Variants in ST6GALNAC3 observed in about 807,000 individuals in gnomAD.
ST6GALNAC3 encodes the protein alpha-N-acetylgalactosaminide alpha-2,6-sialyltransferase 3.
Under a neutral mutation model 32.7 loss-of-function variants are expected in ST6GALNAC3, and 25 were observed. The ratio of observed to expected loss-of-function variants is 0.76; its 90% CI spans 0.56 to 1.07. The LOEUF is 1.07. Ranked by LOEUF, ST6GALNAC3 falls within the 50% of genes least tolerant of loss-of-function variation. ST6GALNAC3 has a pLI of 0.00. For synonymous variants in ST6GALNAC3, 129 were observed against 133.1 expected (o/e 0.97, Z 0.21); for missense variants, 355 against 382.4 (o/e 0.93, Z 0.60).
At chr1:76,262,305 A>T (rs1221501451) in intron 1 of ST6GALNAC3, among the ~76,000 whole-genome samples, 2 of 152,212 alleles carry the variant, frequency 1.3e-5, no homozygotes, top group Non-Finnish European at 2.9e-5. Context: ...ACTCCAACCC[A>T]GCTCTGCCTG....
intron 3 of ST6GALNAC3, among the ~76,000 whole-genome samples, chr1:76,530,684 T>G (rs1663197792): frequency 6.6e-6 from 1 of 152,172 alleles, no homozygotes. Flanking sequence ...TTGAACTGGG[T>G]TTCTGTCTCT....
intron 2 of ST6GALNAC3, among the ~76,000 whole-genome samples, chr1:76,339,978 G>T (rs577607680): frequency 6.6e-6 from 1 of 152,322 alleles, no homozygotes; most frequent in East Asian, 1.9e-4. Flanking sequence ...ATTTTTAATA[G>T]AGGAAATGGC....
At chr1:76,260,318 CG>C (rs1197012401) in intron 1 of ST6GALNAC3, among the ~76,000 whole-genome samples, 1 of 152,208 alleles carries the variant, frequency 6.6e-6, no homozygotes, top group Admixed American at 6.5e-5. Context: ...CAGCCTTAAG[CG>C]TATTCTTTGT....
At chr1:76,396,330 T>C (rs1041294528) in intron 2 of ST6GALNAC3, among the ~76,000 whole-genome samples, 5 of 152,088 alleles carry the variant, frequency 3.3e-5, no homozygotes, top group African/African-American at 1.2e-4. Context: ...CCAGGCATGG[T>C]GGCATGCGCC....
At chr1:76,390,604 G>C (rs1652457271) in intron 2 of ST6GALNAC3, among the ~76,000 whole-genome samples, 1 of 152,140 alleles carries the variant, frequency 6.6e-6, no homozygotes. Flanking sequence ...AGTGTTACTT[G>C]GTGGCTTTGG....
chr1:76,178,685 A>T (rs1652992277), intron 1 of ST6GALNAC3, among the ~76,000 whole-genome samples: 1 of 152,124 alleles, frequency 6.6e-6, no homozygotes, highest in Non-Finnish European at 1.5e-5. Flanking sequence ...AGGGAGAAAG[A>T]GGGACAATGA....
chr1:76,366,519 G>C (rs892663996), intron 2 of ST6GALNAC3, among the ~76,000 whole-genome samples: 1 of 152,132 alleles, frequency 6.6e-6, no homozygotes, highest in Non-Finnish European at 1.5e-5. Flanking sequence ...CTCTTATTTT[G>C]AACATCTTAT....
chr1:76,502,087 A>G (rs1326402401), intron 3 of ST6GALNAC3, among the ~76,000 whole-genome samples: 1 of 152,138 alleles, frequency 6.6e-6, no homozygotes, highest in Non-Finnish European at 1.5e-5. Context: ...GAAAAAAAAT[A>G]TCTTTCTCAG....
In ST6GALNAC3 at chr1:76,074,817, CT is replaced by C; in HGVS notation, c.-49del. ...CTCCAGCCTGCCCCCAGGACTGCCCCTGACCCAGGCGCGCCCGCTGCTCGGT... is the reference window on the plus strand; with the variant it reads ...CTCCAGCCTGCCCCCAGGACTGCCCCGACCCAGGCGCGCCCGCTGCTCGGT... On this transcript the variant is annotated 5_prime_UTR_variant, in exon 1 of 5. An upstream open reading frame in the 5' UTR loses its in-frame stop. Coordinates refer to ENST00000328299, the MANE Select transcript of ST6GALNAC3 (RefSeq NM_152996.4). The C allele has an allele frequency of 1.3e-6, 2 of 1,560,668 alleles. No individual in the cohort carries two copies. Among genetic ancestry groups the C allele is most frequent in the South Asian group, 2.4e-5 (2 of 84,702 alleles).
intron 3 of ST6GALNAC3, among the ~76,000 whole-genome samples, chr1:76,570,724 GTTCTC>G (rs1315466781): frequency 6.6e-6 from 1 of 152,064 alleles, no homozygotes; most frequent in African/African-American, 2.4e-5. Flanking sequence ...TTGTCAAAGT[GTTCTC>G]TTCTCTTGCC....
chr1:76,194,920 G>T (rs2100518147), intron 1 of ST6GALNAC3, among the ~76,000 whole-genome samples: 1 of 152,304 alleles, frequency 6.6e-6, no homozygotes, highest in East Asian at 1.9e-4. Context: ...TTTCACTCAT[G>T]CATGATTTTG....
chr1:76,361,850 C>T (rs754614292), intron 2 of ST6GALNAC3, among the ~76,000 whole-genome samples: 5 of 151,718 alleles, frequency 3.3e-5, no homozygotes, highest in African/African-American at 7.3e-5. Flanking sequence ...ATGGGGCACA[C>T]GACTGTAATC....
chr1:76,545,403 G>A (rs931360372), intron 3 of ST6GALNAC3, among the ~76,000 whole-genome samples: 12 of 152,168 alleles, frequency 7.9e-5, no homozygotes, highest in Admixed American at 2.6e-4. Flanking sequence ...ACTGTCATTC[G>A]TCGTAGTATT....
At chr1:76,561,914 A>T (rs1665269145) in intron 3 of ST6GALNAC3, among the ~76,000 whole-genome samples, 1 of 152,238 alleles carries the variant, frequency 6.6e-6, no homozygotes. Context: ...ATCTAATATT[A>T]TTCAGCAATT....
At chr1:76,268,205 G>C (rs1658645533) in intron 1 of ST6GALNAC3, among the ~76,000 whole-genome samples, 1 of 152,202 alleles carries the variant, frequency 6.6e-6, no homozygotes, top group African/African-American at 2.4e-5. Flanking sequence ...AGAAGTGGTA[G>C]TGGTGCCGTT....
intron 2 of ST6GALNAC3, among the ~76,000 whole-genome samples, chr1:76,347,649 T>C (rs544683059): frequency 6.6e-6 from 1 of 152,270 alleles, no homozygotes; most frequent in South Asian, 2.1e-4. Context: ...ATTGACTCCT[T>C]ATAAGTTTTA....
At chr1:76,075,810 G>A (rs1043254227) in intron 1 of ST6GALNAC3, among the ~76,000 whole-genome samples, 5 of 152,012 alleles carry the variant, frequency 3.3e-5, no homozygotes, top group Non-Finnish European at 7.4e-5. Context: ...ACTGGAGAAT[G>A]CAGAGACCTA....
intron 4 of ST6GALNAC3, among the ~76,000 whole-genome samples, chr1:76,628,254 A>C (rs1395498092): frequency 1.3e-5 from 2 of 151,954 alleles, no homozygotes; most frequent in Non-Finnish European, 2.9e-5. Context: ...TTCCCTAACT[A>C]TAAGCATAAT....
At chr1:76,253,794 T>C (rs1271968551) in intron 1 of ST6GALNAC3, among the ~76,000 whole-genome samples, 1 of 152,148 alleles carries the variant, frequency 6.6e-6, no homozygotes, top group African/African-American at 2.4e-5. Flanking sequence ...GCATTCTGAC[T>C]TTCTTAGTTT....
Sources: allele counts gnomAD v4.1 joint callset (sites outside exome capture counted in the v4.1 genomes callset), GRCh38; gene constraint gnomAD v4.1.1; transcripts MANE v1.5; gene names NCBI Gene and HGNC (gene_info 2026-07-23, HGNC 2026-07-21).